CA10: variants seen among roughly 807,000 people sequenced by gnomAD.
CA10 encodes carbonic anhydrase-related protein 10.
CA10 carries 14 observed loss-of-function variants against 44.2 expected under a neutral mutation model. That is an observed-to-expected ratio of 0.32 (90% confidence interval 0.21 to 0.50). The LOEUF (loss-of-function observed/expected upper bound fraction) is 0.50. Among genes scored for constraint, CA10 ranks in the 20% least tolerant of loss-of-function variants. The probability of loss-of-function intolerance (pLI) is 0.99; values close to 1 mark genes in which losing one functional copy is unlikely to be tolerated. For missense variants in CA10, 350 were observed against 409.7 expected, an observed-to-expected ratio of 0.85 and a Z score of 1.26; for synonymous variants, 159 against 141.6, an observed-to-expected ratio of 1.12 and a Z score of -0.87.
chr17:51,693,553 C>A (rs372719175), intron 4 of CA10, among the ~76,000 whole-genome samples: 2 of 151,964 alleles, frequency 1.3e-5, no homozygotes, highest in African/African-American at 4.8e-5. Context: ...CCATGAGTAC[C>A]CAATGTTTAC....
intron 3 of CA10, among the ~76,000 whole-genome samples, chr17:51,910,906 G>A (rs1243190950): frequency 6.6e-6 from 1 of 152,130 alleles, no homozygotes; most frequent in East Asian, 1.9e-4. Context: ...CATTTGGTCT[G>A]TAAGTTATCG....
intron 3 of CA10, among the ~76,000 whole-genome samples, chr17:51,750,099 T>C (rs894387695): frequency 6.6e-6 from 1 of 152,220 alleles, no homozygotes; most frequent in Non-Finnish European, 1.5e-5. Flanking sequence ...TCAAGACAGA[T>C]TTGTGTTAGA....
At chr17:51,711,885 G>A (rs1176984105) in intron 4 of CA10, among the ~76,000 whole-genome samples, 1 of 152,154 alleles carries the variant, frequency 6.6e-6, no homozygotes, top group Admixed American at 6.5e-5. Flanking sequence ...GCAGAGGGCA[G>A]TCCCCCAGGA....
intron 2 of CA10, among the ~76,000 whole-genome samples, chr17:51,984,752 A>G (rs1453863011): frequency 6.6e-6 from 1 of 151,986 alleles, no homozygotes; most frequent in Non-Finnish European, 1.5e-5. Context: ...CATAAACTAG[A>G]AAACCTAGAT....
chr17:52,066,174 G>T (rs758990111), intron 2 of CA10, among the ~76,000 whole-genome samples: 1 of 152,182 alleles, frequency 6.6e-6, no homozygotes, highest in South Asian at 2.1e-4. Flanking sequence ...AGAGAATGGG[G>T]TGCTGCTCTA....
At chr17:51,895,569 A>G (rs1204056865) in intron 3 of CA10, among the ~76,000 whole-genome samples, 5 of 152,268 alleles carry the variant, frequency 3.3e-5, no homozygotes, top group Middle Eastern at 3.4e-3. Context: ...AGTTAATACT[A>G]AGTAATGGTT....
intron 6 of CA10, 113 bp downstream of exon 6, chr17:51,649,069 A>G: frequency 2.8e-6 from 2 of 707,430 alleles, no homozygotes; most frequent in Non-Finnish European, 2.5e-6. Flanking sequence ...ACAGAACTGC[A>G]GGATCATGAA....
chr17:51,949,530 C>T (rs907112178), intron 2 of CA10, among the ~76,000 whole-genome samples: 4 of 152,126 alleles, frequency 2.6e-5, no homozygotes, highest in Admixed American at 2.6e-4. Context: ...GTCAAAATTT[C>T]CACTTAGAGC....
chr17:52,088,225 A>G (rs1002661776), intron 1 of CA10, among the ~76,000 whole-genome samples: 2 of 152,064 alleles, frequency 1.3e-5, no homozygotes, highest in African/African-American at 4.8e-5. Context: ...CCTTGAACTT[A>G]AAAAAAGTTT....
chr17:52,079,680 A>T (rs995432250), intron 1 of CA10, among the ~76,000 whole-genome samples: 1 of 152,134 alleles, frequency 6.6e-6, no homozygotes, highest in African/African-American at 2.4e-5. Flanking sequence ...AAGTGGTTTC[A>T]AGTTGGTTGA....
intron 4 of CA10, among the ~76,000 whole-genome samples, chr17:51,709,347 G>T (rs954623031): frequency 1.3e-5 from 2 of 152,184 alleles, no homozygotes; most frequent in Admixed American, 6.5e-5. Flanking sequence ...ATCAGTGAGT[G>T]ATGTAGAGAG....
chr17:51,814,866 T>C (rs576937603), intron 3 of CA10, among the ~76,000 whole-genome samples: 11 of 152,324 alleles, frequency 7.2e-5, no homozygotes, highest in Admixed American at 1.3e-4. Flanking sequence ...AATGAAATGC[T>C]AAGTTACCTG....
At chr17:51,925,524 A>T (rs1982395555) in intron 3 of CA10, among the ~76,000 whole-genome samples, 1 of 152,138 alleles carries the variant, frequency 6.6e-6, no homozygotes, top group African/African-American at 2.4e-5. Context: ...CCACTGTGTA[A>T]AAAAGTGTGA....
chr17:52,109,749 A>G (rs1436948728), intron 1 of CA10, among the ~76,000 whole-genome samples: 2 of 152,194 alleles, frequency 1.3e-5, no homozygotes, highest in East Asian at 1.9e-4. Context: ...CTCCATCTCC[A>G]CTATTACTAT....
In CA10 at chr17:51,796,847, A is replaced by G. The variant is rs188316745; in HGVS notation, c.280-49029T>C. On this transcript the variant is annotated intron_variant, in intron 3 of 8. Coordinates refer to ENST00000451037, the MANE Select transcript of CA10 (RefSeq NM_020178.5). The stretch of plus-strand genomic sequence containing the variant: ...CACCCACAAGGCCTGGAGAGGTCAC[A>G]GCAAAGCCAGCTCCCACAGCAATTA... Among the ~76,000 whole-genome samples the G allele has an allele frequency of 2.0e-4, 30 of 152,324 alleles. No individual in the cohort carries two copies. The East Asian group carries it at 5.8e-3, about 29-fold the overall frequency.
intron 4 of CA10, among the ~76,000 whole-genome samples, chr17:51,717,734 T>TAC (rs1916185296): frequency 1.6e-4 from 8 of 49,614 alleles, no homozygotes; most frequent in African/African-American, 6.1e-4. Context: ...TATACATATA[T>TAC]ACGTATATAT....
intron 3 of CA10, among the ~76,000 whole-genome samples, chr17:51,797,133 T>A (rs529025777): frequency 6.6e-6 from 1 of 152,248 alleles, no homozygotes; most frequent in South Asian, 2.1e-4. Context: ...ATCTCCAGCA[T>A]CAGAGAGGCA....
At chr17:51,908,506 C>T (rs1981656702) in intron 3 of CA10, among the ~76,000 whole-genome samples, 1 of 152,182 alleles carries the variant, frequency 6.6e-6, no homozygotes, top group Non-Finnish European at 1.5e-5. Flanking sequence ...TTGGCAGTTC[C>T]TGCCTGCTAG....
At chr17:51,919,264 A>T (rs1372208215) in intron 3 of CA10, among the ~76,000 whole-genome samples, 1 of 152,192 alleles carries the variant, frequency 6.6e-6, no homozygotes, top group African/African-American at 2.4e-5. Flanking sequence ...TACATAGAAC[A>T]ACTTTGTGGG....
Sources: allele counts gnomAD v4.1 joint callset (sites outside exome capture counted in the v4.1 genomes callset), GRCh38; gene constraint gnomAD v4.1.1; transcripts MANE v1.5; gene names NCBI Gene and HGNC (gene_info 2026-07-23, HGNC 2026-07-21).